Variants in CORIN observed in about 807,000 individuals in gnomAD.
CORIN encodes the protein atrial natriuretic peptide-converting enzyme.
CORIN carries 117 observed loss-of-function variants against 125.3 expected under a neutral mutation model. The ratio of observed to expected loss-of-function variants is 0.93; its 90% CI spans 0.80 to 1.09. The LOEUF (loss-of-function observed/expected upper bound fraction) is 1.09, where lower values mean the gene tolerates loss of function less well. Ranked by LOEUF, CORIN falls within the 50% of genes least tolerant of loss-of-function variation. CORIN has a pLI of 0.00. For synonymous variants in CORIN, 450 were observed against 466.4 expected, an observed-to-expected ratio of 0.96 and a Z score of 0.45; for missense variants, 1,253 against 1,306.7, an observed-to-expected ratio of 0.96 and a Z score of 0.63.
intron 6 of CORIN, among the ~76,000 whole-genome samples, chr4:47,686,448 C>T (rs570026048): frequency 2.6e-5 from 4 of 152,226 alleles, no homozygotes; most frequent in East Asian, 1.9e-4. Context: ...ACCTTGACAA[C>T]GGTATTTTAT....
intron 5 of CORIN, among the ~76,000 whole-genome samples, chr4:47,708,623 T>C (rs1246681153): frequency 6.6e-6 from 1 of 152,202 alleles, no homozygotes; most frequent in Non-Finnish European, 1.5e-5. Context: ...TTTATGTGCC[T>C]CTGGGTTCCA....
chr4:47,811,191 G>T (rs1663388067), intron 1 of CORIN, among the ~76,000 whole-genome samples: 1 of 152,076 alleles, frequency 6.6e-6, no homozygotes, highest in Admixed American at 6.6e-5. Flanking sequence ...TAAGAAAGAG[G>T]CTGTATTATC....
chr4:47,796,626 T>C (rs1265546454), intron 2 of CORIN, among the ~76,000 whole-genome samples: 1 of 152,070 alleles, frequency 6.6e-6, no homozygotes, highest in Non-Finnish European at 1.5e-5. Flanking sequence ...TTGGAGGTGA[T>C]GGATATGTTT....
At chr4:47,763,677 T>C (rs1352460838) in intron 3 of CORIN, 91 bp from the exon 4 acceptor site, 4 of 1,164,212 alleles carry the variant, frequency 3.4e-6, no homozygotes, top group East Asian at 2.4e-5. Flanking sequence ...AGATAAAGTA[T>C]ACTTATCACA....
chr4:47,774,069 T>C (rs1317152691), intron 3 of CORIN, among the ~76,000 whole-genome samples: 1 of 152,188 alleles, frequency 6.6e-6, no homozygotes, highest in Non-Finnish European at 1.5e-5. Flanking sequence ...TTGCATTTAA[T>C]GGTGATTAAT....
At chr4:47,597,118 G>A (rs1422369867) in intron 21 of CORIN, among the ~76,000 whole-genome samples, 2 of 152,108 alleles carry the variant, frequency 1.3e-5, no homozygotes, top group Admixed American at 1.3e-4. Context: ...TTGGGAGGCC[G>A]AGGCAGGCAG....
rs372507028 is a variant in CORIN at position 47,822,342 on chromosome 4, G to A, written c.64-15295C>T. ...ATTAATGGATATTTCCTATAAACAA[G>A]GACATTCTCCTGCCTAAACACAACA... is the stretch of plus-strand genomic sequence containing the variant. On this transcript the variant is annotated intron_variant, in intron 1 of 21. Transcript: ENST00000273857. Among the ~76,000 whole-genome samples the A allele has an allele frequency of 7.9e-5, 12 of 152,214 alleles. 1 individual carries two copies. Among genetic ancestry groups the A allele is most frequent in the African/African-American group, 2.9e-4 (12 of 41,532 alleles).
chr4:47,697,745 T>TA (rs939912001), intron 5 of CORIN, among the ~76,000 whole-genome samples: 29 of 150,854 alleles, frequency 1.9e-4, no homozygotes, highest in Admixed American at 1.3e-3. Context: ...AAAATGAAAA[T>TA]AAAAAATAAG....
intron 13 of CORIN, among the ~76,000 whole-genome samples, chr4:47,647,456 A>C (rs914057644): frequency 3.2e-4 from 49 of 152,200 alleles, no homozygotes; most frequent in Admixed American, 9.8e-4. Context: ...GAGATGATGA[A>C]ATACCACAGA....
intron 4 of CORIN, among the ~76,000 whole-genome samples, chr4:47,746,223 A>G (rs1486365511): frequency 2.6e-5 from 4 of 152,222 alleles, no homozygotes; most frequent in Non-Finnish European, 4.4e-5. Flanking sequence ...TAGGATACAC[A>G]GTAAAGGAAG....
At chr4:47,671,588 A>T (rs12502358) in intron 10 of CORIN, among the ~76,000 whole-genome samples, 107 of 151,974 alleles carry the variant, frequency 7.0e-4, no homozygotes, top group African/African-American at 1.5e-3. Flanking sequence ...TTTTTTATTT[A>T]TTTATTTTTT....
At chr4:47,828,244 T>G (rs1346050011) in intron 1 of CORIN, among the ~76,000 whole-genome samples, 1 of 152,196 alleles carries the variant, frequency 6.6e-6, no homozygotes, top group Non-Finnish European at 1.5e-5. Context: ...GAGCACCTTT[T>G]GTTCTAACTT....
At chr4:47,647,487 A>G (rs983534680) in intron 13 of CORIN, among the ~76,000 whole-genome samples, 1 of 152,222 alleles carries the variant, frequency 6.6e-6, no homozygotes, top group African/African-American at 2.4e-5. Flanking sequence ...CTGGGACAGA[A>G]GGCCGCCTAA....
At chr4:47,834,914 A>G (rs969977367) in intron 1 of CORIN, among the ~76,000 whole-genome samples, 1 of 152,160 alleles carries the variant, frequency 6.6e-6, no homozygotes, top group Admixed American at 6.5e-5. Context: ...ACATTTTCTG[A>G]CCAAGGAAAC....
In CORIN at chr4:47,603,584, C is replaced by T. The variant is rs1330077494; in HGVS notation, c.2625G>A (p.Val875=). 5 of 1,614,072 alleles carry T rather than the reference C, an allele frequency of 3.1e-6. No individual in the cohort carries two copies. The highest frequency in any genetic ancestry group is 1.3e-5 in the African/African-American group (1 of 74,938). ...HPSVFMQTRF[V]KTIILHPRYS... ...AGCGGGGATGCAGGATGATGGTCTT[C>T]ACAAAGCGTGTCTGCATGAACACTG... is the stretch of plus-strand genomic sequence containing the variant. Residue 875 remains valine, a synonymous_variant, in exon 20 of 22, where the codon GTG becomes GTA. Transcript: ENST00000273857.
chr4:47,613,923 C>A (rs1721969907), intron 19 of CORIN, among the ~76,000 whole-genome samples: 1 of 150,184 alleles, frequency 6.7e-6, no homozygotes, highest in South Asian at 2.1e-4. Context: ...CTAACCTGCA[C>A]AATGTGCACA....
chr4:47,741,390 C>T (rs1343096404), intron 5 of CORIN, among the ~76,000 whole-genome samples: 1 of 151,968 alleles, frequency 6.6e-6, no homozygotes, highest in Non-Finnish European at 1.5e-5. Context: ...CAATGGGATA[C>T]CACTTCACAT....
rs1023727638 is a variant in CORIN, at chr4:47,706,567, G to A, written c.800-13484C>T. 6 of 1,608,804 alleles carry A rather than the reference G, an allele frequency of 3.7e-6. No homozygotes were observed. The Admixed American group carries it at 6.7e-5, about 18-fold the overall frequency. The stretch of plus-strand genomic sequence containing the variant: ...AGGTTACGTTATACATAGGATTTGT[G>A]TTAGCCGTGGTGGCCGAAAACGCCC... On this transcript the variant is annotated intron_variant, in intron 5 of 21. Coordinates refer to ENST00000273857, the MANE Select transcript of CORIN (RefSeq NM_006587.4).
chr4:47,661,849 A>C lies in CORIN; in HGVS notation c.1597T>G (p.Cys533Gly). Residue 533 changes from cysteine to glycine, a missense_variant, in exon 12 of 22, where the codon TGT becomes GGT. By Grantham distance (159) the Cys-to-Gly change is radical. Transcript: ENST00000273857. ...GEHIPPCRAL[C>G]EHSKERCESV... ...TCACAGCGTTCTTTAGAGTGTTCAC[A>C]CAATGCCCTAGATGAACAAGAAAGA... 1 of 1,604,452 alleles carries C rather than the reference A, an allele frequency of 6.2e-7. No homozygotes were observed. The highest frequency in any genetic ancestry group is 8.5e-7 in the Non-Finnish European group (1 of 1,173,884).
Sources: gnomAD v4.1 joint callset for allele counts (sites outside exome capture counted in the v4.1 genomes callset) on GRCh38, gnomAD v4.1.1 for gene constraint, MANE v1.5 for transcripts, NCBI Gene and HGNC (gene_info 2026-07-23, HGNC 2026-07-21) for gene names.